The following TRIM66 variants were observed in gnomAD, a reference collection of about 807,000 sequenced individuals.
TRIM66 encodes the protein tripartite motif-containing protein 66.
In TRIM66, 99 loss-of-function variants were observed where a neutral mutation model predicts 148.2. The observed-to-expected ratio is 0.67, with a 90% confidence interval of 0.57 to 0.79. The LOEUF (loss-of-function observed/expected upper bound fraction) is 0.79. Ranked by LOEUF, TRIM66 falls within the 30% of genes least tolerant of loss-of-function variation. TRIM66 has a pLI of 0.00. For missense variants in TRIM66, 1,666 were observed against 1,697.9 expected (o/e 0.98, Z 0.33); for synonymous variants, 616 against 635.9 (o/e 0.97, Z 0.47).
chr11:8,671,040 G>A (rs1430771681), intron 6 of TRIM66, among the ~76,000 whole-genome samples: 1 of 152,184 alleles, frequency 6.6e-6, no homozygotes, highest in Non-Finnish European at 1.5e-5. Context: ...TGTAATCCCA[G>A]CACTTTGAAG....
At chr11:8,677,746 C>T (rs1419329909) in intron 3 of TRIM66, among the ~76,000 whole-genome samples, 3 of 152,178 alleles carry the variant, frequency 2.0e-5, no homozygotes, top group Non-Finnish European at 2.9e-5. Flanking sequence ...ATAAGCTGTT[C>T]TCAAAGACTC....
intron 18 of TRIM66, among the ~76,000 whole-genome samples, chr11:8,622,339 A>ACC: frequency 1.4e-5 from 1 of 71,450 alleles, no homozygotes; most frequent in Non-Finnish European, 3.2e-5. Flanking sequence ...ACACACACAC[A>ACC]ACACACACAC....
intron 17 of TRIM66, among the ~76,000 whole-genome samples, chr11:8,623,578 T>C (rs567277603): frequency 1.3e-5 from 2 of 152,178 alleles, no homozygotes; most frequent in Non-Finnish European, 2.9e-5. Flanking sequence ...ATTACACATA[T>C]AGGAAACAGA....
chr11:8,666,850 C>T (rs2038631744), intron 6 of TRIM66, among the ~76,000 whole-genome samples: 1 of 152,176 alleles, frequency 6.6e-6, no homozygotes, highest in South Asian at 2.1e-4. Flanking sequence ...CACTTTGTCG[C>T]CCAGGCTGGA....
chr11:8,671,425 TCCTGACTAACCC>T (rs1159184484), intron 6 of TRIM66, among the ~76,000 whole-genome samples: 1 of 152,174 alleles, frequency 6.6e-6, no homozygotes, highest in Non-Finnish European at 1.5e-5. Flanking sequence ...CAAAATCTGT[TCCTGACTAACCC>T]TAGGAGGCCA....
At chr11:8,619,030 C>T (rs1260433719) in intron 23 of TRIM66, 62 bp from the exon 24 acceptor site, 2 of 1,429,440 alleles carry the variant, frequency 1.4e-6, no homozygotes, top group East Asian at 2.5e-5. Context: ...TCTTTCGGGT[C>T]CCTCAAGAGC....
rs982335608 is a variant in TRIM66, at chr11:8,613,008, G to A, written c.*4936C>T. The A allele has an allele frequency of 1.3e-5, 2 of 152,188 alleles. No individual in the cohort carries two copies. Among genetic ancestry groups the A allele is most frequent in the African/African-American group, 4.8e-5 (2 of 41,432 alleles). 9.4% of individuals were successfully genotyped at this position (152,188 alleles called of 1,614,324 possible). A position where few individuals can be genotyped will look rare whatever the true frequency, so the allele number is the denominator to read the frequency against. ...AGGCTAAAACCTCTGTGTTGTCTGG[G>A]AGAGACAGAGGGAAGGACTCACAGA... On this transcript the variant is annotated 3_prime_UTR_variant, in exon 25 of 25. Transcript: ENST00000646038.
Position 8,660,435 on chromosome 11 carries a change from C to T in TRIM66, c.341-8532G>A, listed in dbSNP as rs2038166388. Among the ~76,000 whole-genome samples the T allele has an allele frequency of 2.6e-5, 4 of 152,324 alleles. 1 individual carries two copies. On this transcript the variant is annotated intron_variant, in intron 6 of 24. Coordinates refer to ENST00000646038, the MANE Select transcript of TRIM66 (RefSeq NM_001388022.1). ...CCTACAGATTCAAACCACCCAATTT[C>T]CCCAGACAGAACCTAAAACAGGGGT...
chr11:8,670,717 T>A (rs1459390158), intron 6 of TRIM66, among the ~76,000 whole-genome samples: 2 of 152,222 alleles, frequency 1.3e-5, no homozygotes. Flanking sequence ...GATTTGTTAA[T>A]TAAAATTAAG....
At chr11:8,654,048 C>T (rs193243041) in intron 6 of TRIM66, among the ~76,000 whole-genome samples, 6 of 152,284 alleles carry the variant, frequency 3.9e-5, no homozygotes, top group African/African-American at 1.4e-4. Context: ...TTGTTGAAAA[C>T]GACTTCCACA....
chr11:8,629,311 C>A (rs1207887562), intron 15 of TRIM66, among the ~76,000 whole-genome samples: 1 of 152,206 alleles, frequency 6.6e-6, no homozygotes, highest in East Asian at 1.9e-4. Flanking sequence ...GCACTGGATT[C>A]TTTCTCCTTT....
At chr11:8,680,807 C>A (rs1295391318) in intron 1 of TRIM66, 1 of 152,196 alleles carries the variant, frequency 6.6e-6, no homozygotes, top group Non-Finnish European at 1.5e-5. Flanking sequence ...GGAACATCAA[C>A]ATTCAAATGG....
rs575453462 is a variant in TRIM66, at chr11:8,672,296, G to A, written c.-22C>T. The A allele has an allele frequency of 1.2e-4, 188 of 1,536,096 alleles. No homozygotes were observed. In the East Asian group the frequency reaches 1.4e-3, roughly 12 times the overall value. Reference sequence around the variant, plus strand: ...CCATCTCTGCCGTGGAAAACAAAGCGTGGAGGTGTCTGCTGTTTGTCTGAA... The same window carrying A: ...CCATCTCTGCCGTGGAAAACAAAGCATGGAGGTGTCTGCTGTTTGTCTGAA... On this transcript the variant is annotated 5_prime_UTR_variant, in exon 5 of 25. The change creates a new upstream start codon in the 5' untranslated region. Transcript: ENST00000646038.
upstream of TRIM66, chr11:8,682,870 G>A (rs899360006): frequency 6.3e-7 from 1 of 1,577,952 alleles, no homozygotes; most frequent in East Asian, 2.3e-5. Context: ...CCCCTAAGCT[G>A]TATTCCCATT....
In TRIM66 at chr11:8,624,715, T is replaced by C; in HGVS notation, c.2824A>G (p.Lys942Glu). Residue 942 changes from lysine (K) to glutamate (E), a missense_variant and splice_region_variant, in exon 16 of 25, where the codon AAG becomes GAG. Transcript: ENST00000646038. ...GATAGCATTTCCCCAGGACTTACCT[T>C]ACACAGAGCATTCTCCAGGGAGGGA... is the stretch of plus-strand genomic sequence containing the variant. ...ADPSLENALC[K>E]MESEDSTRFT... 1.3e-6 allele frequency: 2 copies of C among 1,515,074 alleles called. No individual in the cohort carries two copies. Among genetic ancestry groups the C allele is most frequent in the South Asian group, 1.3e-5 (1 of 77,974 alleles). 93.9% of individuals were successfully genotyped at this position (1,515,074 alleles called of 1,614,324 possible).
upstream of TRIM66, chr11:8,682,870 G>T: frequency 2.5e-6 from 4 of 1,577,952 alleles, no homozygotes; most frequent in Non-Finnish European, 3.4e-6. Context: ...CCCCTAAGCT[G>T]TATTCCCATT....
chr11:8,652,084 C>T (rs1046767074), intron 6 of TRIM66, among the ~76,000 whole-genome samples, 181 bp from the exon 7 acceptor site: 3 of 152,092 alleles, frequency 2.0e-5, no homozygotes, highest in Non-Finnish European at 4.4e-5. Flanking sequence ...CATGACCATC[C>T]CATTGGGGCC....
intron 15 of TRIM66, among the ~76,000 whole-genome samples, chr11:8,636,498 C>T (rs1238269636): frequency 6.6e-6 from 1 of 152,112 alleles, no homozygotes; most frequent in Non-Finnish European, 1.5e-5. Flanking sequence ...ACTTCTTCCC[C>T]TAAATATGCT....
Position 8,618,856 on chromosome 11 carries a change from T to G in TRIM66, c.4013A>C (p.Asp1338Ala), listed in dbSNP as rs1288965083. 6.4e-7 allele frequency: 1 copy of G among 1,551,016 alleles called. No homozygotes were observed. The highest frequency in any genetic ancestry group is 8.7e-7 in the Non-Finnish European group (1 of 1,146,912). ...ACTCTCACTAGACACCTCCTCGGAG[T>G]CTGAGTCCTCCTGCCTTGGCTGGGC... Reference protein sequence around the residue: ...RFAQPRQEDSDSEEVSSESGC... With the variant: ...RFAQPRQEDSASEEVSSESGC... Residue 1338 changes from aspartate to alanine, a missense_variant, in exon 24 of 25, where the codon GAC (aspartate) becomes GCC (alanine). Coordinates refer to ENST00000646038, the MANE Select transcript of TRIM66 (RefSeq NM_001388022.1).
Sources: gnomAD v4.1 joint callset for allele counts (sites outside exome capture counted in the v4.1 genomes callset) on GRCh38, gnomAD v4.1.1 for gene constraint, MANE v1.5 for transcripts, NCBI Gene and HGNC (gene_info 2026-07-23, HGNC 2026-07-21) for gene names.